The following KIZ variants were observed in gnomAD, a reference collection of about 807,000 sequenced individuals.
The protein encoded by KIZ is kizuna centrosomal protein, also known as centrosomal protein kizuna.
KIZ carries 68 observed loss-of-function variants against 79.6 expected under a neutral mutation model. The observed-to-expected ratio is 0.85, with a 90% CI of 0.70 to 1.05. KIZ has a LOEUF of 1.05. KIZ is among the 50% of genes least tolerant of loss of function. The pLI, the probability that KIZ is intolerant of heterozygous loss-of-function variation, is 0.00. For missense variants in KIZ, 797 were observed against 800.4 expected (o/e 1.00, Z 0.05); for synonymous variants, 280 against 281.8 (o/e 0.99, Z 0.06).
At chr20:21,152,834 C>G (rs932881194) in intron 4 of KIZ, among the ~76,000 whole-genome samples, 1 of 152,186 alleles carries the variant, frequency 6.6e-6, no homozygotes, top group Non-Finnish European at 1.5e-5. Flanking sequence ...CCCACATAGA[C>G]TAGGTTTTAT....
intron 3 of KIZ, among the ~76,000 whole-genome samples, chr20:21,143,616 C>T (rs1339550794): frequency 6.6e-6 from 1 of 152,194 alleles, no homozygotes; most frequent in Non-Finnish European, 1.5e-5. Flanking sequence ...TGGGCAGCAT[C>T]AAGCCAGTGC....
Position 21,126,148 on chromosome 20 carries a change from G to C in KIZ, c.33G>C (p.Leu11=). 6.6e-7 allele frequency: 1 copy of C among 1,513,822 alleles called. No individual in the cohort carries two copies. Among genetic ancestry groups the C allele is most frequent in the Non-Finnish European group, 8.8e-7 (1 of 1,130,108 alleles). The allele number at this position is 1,513,822 out of a possible 1,614,324, so 93.8% of individuals were successfully genotyped here. A position where few individuals can be genotyped will look rare whatever the true frequency, so the allele number is the denominator to read the frequency against. The change falls in exon 1 of 13, where the codon CTG becomes CTC. Residue 11 remains leucine (L), a synonymous_variant. Coordinates refer to ENST00000619189, the MANE Select transcript of KIZ (RefSeq NM_018474.6). ...GGACCCTCGCATCGGCCGTGCCCCTGTCGAGTCCCGACTACTACGAGAGGC... is the reference window on the plus strand; with the variant it reads ...GGACCCTCGCATCGGCCGTGCCCCTCTCGAGTCCCGACTACTACGAGAGGC... The part of the protein sequence containing the change: MSRTLASAVP[L]SSPDYYERLG...
In KIZ at chr20:21,246,485, G is replaced by C. The variant is rs2037392144; in HGVS notation, c.1931G>C (p.Trp644Ser). ...PVINLKSNAL[W>S]DESDDSNSEI... ...GTCTGGTTTTATTTTCCAGCCCTCT[G>C]GGATGAGTCTGATGACAGTAACTCA... Residue 644 changes from tryptophan (W) to serine (S), a missense_variant, in exon 13 of 13, where the codon TGG (tryptophan) becomes TCG (serine). Transcript: ENST00000619189. 1 of 1,599,802 alleles carries C rather than the reference G, an allele frequency of 6.3e-7. No individual in the cohort carries two copies. The highest frequency in any genetic ancestry group is 1.7e-5 in the Admixed American group (1 of 59,700).
intron 11 of KIZ, among the ~76,000 whole-genome samples, chr20:21,240,499 A>G (rs560353344): frequency 1.3e-4 from 20 of 152,364 alleles, no homozygotes; most frequent in African/African-American, 4.8e-4. Context: ...TTGCCTGAAA[A>G]TGGCTTATTT....
chr20:21,149,483 A>G (rs1568921510), intron 4 of KIZ, among the ~76,000 whole-genome samples: 1 of 152,218 alleles, frequency 6.6e-6, no homozygotes, highest in East Asian at 1.9e-4. Context: ...AACTCGACTG[A>G]AGAAGAACTT....
chr20:21,170,737 G>A (rs1072271), intron 6 of KIZ, among the ~76,000 whole-genome samples: 92,997 of 151,864 alleles, frequency 0.61, 29,224 homozygotes, highest in South Asian at 0.78. Flanking sequence ...TTTTGTATCC[G>A]TTAACCATCC....
At position 21,162,856 on chromosome 20, in the gene KIZ, T is replaced by A; in HGVS notation, c.1049T>A (p.Leu350His). Residue 350 changes from leucine (L) to histidine (H), a missense_variant, in exon 6 of 13, where the codon CTT (leucine) becomes CAT (histidine). Transcript: ENST00000619189. ...TTCATGTCGCCACTTGCAGATCATC[T>A]TGCTCACAGGGAACCAAAGTCACAA... The part of the protein sequence containing the change: ...HSPWEGVSDH[L>H]AHREPKSQKP... 6.2e-7 allele frequency: 1 copy of A among 1,611,748 alleles called. No individual in the cohort carries two copies. Among genetic ancestry groups the A allele is most frequent in the Non-Finnish European group, 8.5e-7 (1 of 1,178,810 alleles).
intron 4 of KIZ, among the ~76,000 whole-genome samples, chr20:21,154,662 A>G (rs972388311): frequency 6.6e-6 from 1 of 152,238 alleles, no homozygotes; most frequent in South Asian, 2.1e-4. Flanking sequence ...GCTTTTGGCA[A>G]TAACATCTGT....
intron 4 of KIZ, chr20:21,148,855 C>T (rs915141379): frequency 6.6e-6 from 1 of 152,172 alleles, no homozygotes; most frequent in Non-Finnish European, 1.5e-5. Context: ...CAGGGAATTT[C>T]ATCACAGAGC....
intron 6 of KIZ, among the ~76,000 whole-genome samples, chr20:21,165,474 T>C (rs758947278): frequency 9.2e-5 from 14 of 152,206 alleles, no homozygotes; most frequent in Admixed American, 1.3e-4. Flanking sequence ...GGTTAATGAA[T>C]TTAGAGTTCA....
chr20:21,150,844 A>T (rs985605543), intron 4 of KIZ: 1 of 152,180 alleles, frequency 6.6e-6, no homozygotes, highest in Non-Finnish European at 1.5e-5. Context: ...TAACCTGCTG[A>T]CCTGAAAGGA....
At chr20:21,166,130 C>T in intron 6 of KIZ, 1 of 874,218 alleles carries the variant, frequency 1.1e-6, no homozygotes, top group Non-Finnish European at 1.8e-6. Flanking sequence ...CCATGCTTGG[C>T]TAATTTTTGT....
At chr20:21,232,531 A>C (rs2036867707) in intron 10 of KIZ, among the ~76,000 whole-genome samples, 1 of 152,190 alleles carries the variant, frequency 6.6e-6, no homozygotes, top group South Asian at 2.1e-4. Flanking sequence ...TTTCGGTATC[A>C]CAGGAAAGTG....
At chr20:21,126,303 C>G in intron 1 of KIZ, 99 bp downstream of exon 1, 1 of 845,094 alleles carries the variant, frequency 1.2e-6, no homozygotes, top group Non-Finnish European at 1.7e-6. Flanking sequence ...CGAGGTTCCC[C>G]GGGGCCCAGG....
At chr20:21,224,990 G>GA (rs1397788648) in intron 9 of KIZ, among the ~76,000 whole-genome samples, 18 of 149,252 alleles carry the variant, frequency 1.2e-4, no homozygotes, top group African/African-American at 2.2e-4. Context: ...ATATCAAAAA[G>GA]AAAAAAAAAC....
intron 4 of KIZ, among the ~76,000 whole-genome samples, chr20:21,155,085 A>G (rs6047275): frequency 0.57 from 86,030 of 151,730 alleles, 26,369 homozygotes; most frequent in South Asian, 0.78. Context: ...TGGTGCAAAC[A>G]CTTTGGAAAA....
chr20:21,163,284 A>C, intron 6 of KIZ, 125 bp downstream of exon 6: 1 of 665,396 alleles, frequency 1.5e-6, no homozygotes, highest in South Asian at 2.2e-5. Flanking sequence ...TAAGTCTCAT[A>C]AGTAATCTTG....
At chr20:21,185,983 AC>A (rs1278420730) in intron 6 of KIZ, among the ~76,000 whole-genome samples, 1 of 152,200 alleles carries the variant, frequency 6.6e-6, no homozygotes, top group African/African-American at 2.4e-5. Flanking sequence ...TAGTTTGCCT[AC>A]TAGAAGATAA....
intron 6 of KIZ, chr20:21,198,368 C>G (rs1030066841): frequency 1.3e-5 from 2 of 152,294 alleles, no homozygotes; most frequent in Non-Finnish European, 2.9e-5. Context: ...GGCCGCAATC[C>G]TCTTATTAAA....
Sources: allele counts gnomAD v4.1 joint callset (sites outside exome capture counted in the v4.1 genomes callset), GRCh38; gene constraint gnomAD v4.1.1; transcripts MANE v1.5; gene names NCBI Gene and HGNC (gene_info 2026-07-23, HGNC 2026-07-21).